The following WWOX variants were observed in gnomAD, a reference collection of about 807,000 sequenced individuals.
WWOX encodes the protein WW domain-containing oxidoreductase.
A neutral mutation model predicts 46.2 loss-of-function variants in WWOX; 69 were observed. The observed-to-expected ratio is 1.49, with a 90% CI of 1.23 to 1.82. The LOEUF (loss-of-function observed/expected upper bound fraction) is 1.82. WWOX is among the 40% of genes most tolerant of loss of function. WWOX has a pLI of 0.00. For synonymous variants in WWOX, 359 were observed against 202.6 expected, an observed-to-expected ratio of 1.77 and a Z score of -6.56; for missense variants, 919 against 542.6, an observed-to-expected ratio of 1.69 and a Z score of -6.89.
At chr16:78,549,608 C>A (rs79378558) in intron 8 of WWOX, among the ~76,000 whole-genome samples, 126 of 152,268 alleles carry the variant, frequency 8.3e-4, no homozygotes, top group African/African-American at 3.0e-3. Flanking sequence ...GATCGAAGAG[C>A]TCTTGTTAGG....
At chr16:78,819,033 T>C (rs912481425) in intron 8 of WWOX, among the ~76,000 whole-genome samples, 1 of 152,146 alleles carries the variant, frequency 6.6e-6, no homozygotes, top group African/African-American at 2.4e-5. Context: ...GAAAATTAAA[T>C]GGAAACGATA....
At chr16:78,160,695 T>C (rs1348550046) in intron 4 of WWOX, among the ~76,000 whole-genome samples, 4 of 152,224 alleles carry the variant, frequency 2.6e-5, no homozygotes, top group Non-Finnish European at 4.4e-5. Context: ...TCATTGAGAC[T>C]TGCTTTTGCC....
chr16:78,176,489 C>G (rs1183088717), intron 5 of WWOX, among the ~76,000 whole-genome samples: 2 of 152,200 alleles, frequency 1.3e-5, no homozygotes, highest in African/African-American at 4.8e-5. Flanking sequence ...CGGCAATTCT[C>G]AGATTCTAAT....
chr16:79,199,598 G>C (rs2051307423), intron 8 of WWOX, among the ~76,000 whole-genome samples: 1 of 152,164 alleles, frequency 6.6e-6, no homozygotes, highest in Non-Finnish European at 1.5e-5. Flanking sequence ...TAGGGCTCTT[G>C]CAAGAGTTCA....
At chr16:79,129,575 C>T (rs1004693741) in intron 8 of WWOX, among the ~76,000 whole-genome samples, 23 of 151,708 alleles carry the variant, frequency 1.5e-4, no homozygotes, top group African/African-American at 5.3e-4. Context: ...TTAGGATTAC[C>T]TCTACCTGGT....
At chr16:78,636,488 G>C (rs1188127259) in intron 8 of WWOX, among the ~76,000 whole-genome samples, 1 of 152,154 alleles carries the variant, frequency 6.6e-6, no homozygotes, top group East Asian at 1.9e-4. Flanking sequence ...ACTTAATGAG[G>C]TTCTGCTGTG....
At chr16:78,919,235 C>G (rs925042391) in intron 8 of WWOX, among the ~76,000 whole-genome samples, 2 of 152,064 alleles carry the variant, frequency 1.3e-5, no homozygotes, top group Admixed American at 6.6e-5. Flanking sequence ...CTTAACAGTT[C>G]TTTCTGGCAG....
intron 8 of WWOX, among the ~76,000 whole-genome samples, chr16:79,006,443 C>T (rs538742651): frequency 2.6e-5 from 4 of 151,546 alleles, no homozygotes; most frequent in Admixed American, 6.6e-5. Context: ...GTTAGAGTTT[C>T]GGTTTCTAAG....
intron 4 of WWOX, among the ~76,000 whole-genome samples, chr16:78,154,244 G>A (rs549128640): frequency 7.9e-5 from 12 of 152,252 alleles, no homozygotes; most frequent in African/African-American, 2.2e-4. Context: ...AGGGCACCTC[G>A]TCCATTTCTG....
intron 8 of WWOX, among the ~76,000 whole-genome samples, chr16:78,460,931 T>C (rs1194035733): frequency 6.6e-6 from 1 of 152,188 alleles, no homozygotes; most frequent in African/African-American, 2.4e-5. Flanking sequence ...CCTCCAGATA[T>C]CAGTAGTGAC....
chr16:78,989,435 T>G (rs2046841554), intron 8 of WWOX, among the ~76,000 whole-genome samples: 2 of 152,196 alleles, frequency 1.3e-5, no homozygotes. Flanking sequence ...AAATATTGCA[T>G]CCAGGCATCC....
At chr16:79,095,392 A>T (rs759628406) in intron 8 of WWOX, among the ~76,000 whole-genome samples, 1 of 152,116 alleles carries the variant, frequency 6.6e-6, no homozygotes, top group Non-Finnish European at 1.5e-5. Flanking sequence ...TATTTTCAGA[A>T]TGGAGAAATT....
At chr16:79,017,633 C>A (rs550845072) in intron 8 of WWOX, among the ~76,000 whole-genome samples, 1 of 151,874 alleles carries the variant, frequency 6.6e-6, no homozygotes, top group African/African-American at 2.4e-5. Flanking sequence ...ATGTGCATGG[C>A]CGTGTTCTGA....
chr16:78,678,839 A>G (rs901071901), intron 8 of WWOX, among the ~76,000 whole-genome samples: 9 of 152,086 alleles, frequency 5.9e-5, no homozygotes, highest in African/African-American at 9.7e-5. Flanking sequence ...GCAGCTCCAT[A>G]AAGAGTCCCT....
rs138681782 is a variant in WWOX, at chr16:78,833,586, CAT to C, written c.1057-378020_1057-378019del. On this transcript the variant is annotated intron_variant, in intron 8 of 8. Coordinates refer to ENST00000566780, the MANE Select transcript of WWOX (RefSeq NM_016373.4). ...CTTATGGTGCTTGTATCTGATTTTT[CAT>C]AGTCTTTCGCTTGTTAATTTACTGC... 5.8e-3 allele frequency among the ~76,000 whole-genome samples: 881 copies of C among 152,322 alleles called. 20 individuals are homozygous for C. Among genetic ancestry groups the C allele is most frequent in the South Asian group, 0.05 (243 of 4,830 alleles).
In WWOX at chr16:78,612,778, A is replaced by G. The variant is rs915536059; in HGVS notation, c.1056+180026A>G. Among the ~76,000 whole-genome samples the G allele has an allele frequency of 3.9e-5, 6 of 152,156 alleles. No homozygotes were observed. The East Asian group carries it at 9.6e-4, about 24-fold the overall frequency. ...AGGCATGAGCCACCCCACCCAGCCC[A>G]TGTTAATTTTTTCACCTACAAAATG... On this transcript the variant is annotated intron_variant, in intron 8 of 8. Coordinates refer to ENST00000566780, the MANE Select transcript of WWOX (RefSeq NM_016373.4).
At chr16:78,476,847 T>C (rs2084360938) in intron 8 of WWOX, among the ~76,000 whole-genome samples, 1 of 152,014 alleles carries the variant, frequency 6.6e-6, no homozygotes, top group Admixed American at 6.6e-5. Context: ...TTTTGTTCGT[T>C]TTTCTTTTTC....
At chr16:78,628,606 G>A (rs1481288499) in intron 8 of WWOX, among the ~76,000 whole-genome samples, 4 of 151,856 alleles carry the variant, frequency 2.6e-5, no homozygotes, top group Non-Finnish European at 5.9e-5. Context: ...GCCTGTTGAT[G>A]GATTTATTCC....
chr16:78,805,160 G>A (rs1190559796), intron 8 of WWOX, among the ~76,000 whole-genome samples: 4 of 152,202 alleles, frequency 2.6e-5, no homozygotes, highest in Non-Finnish European at 5.9e-5. Context: ...GTTTAAGGAG[G>A]CAAAGAATAT....
Sources: allele counts gnomAD v4.1 joint callset (sites outside exome capture counted in the v4.1 genomes callset), GRCh38; gene constraint gnomAD v4.1.1; transcripts MANE v1.5; gene names NCBI Gene and HGNC (gene_info 2026-07-23, HGNC 2026-07-21).